The following AKAP6 variants were observed in gnomAD, a reference collection of about 807,000 sequenced individuals.
AKAP6 encodes A-kinase anchoring protein 6.
In AKAP6, 58 loss-of-function variants were observed where a neutral mutation model predicts 188.5. The observed-to-expected ratio is 0.31, with a 90% CI of 0.25 to 0.38. The LOEUF is 0.38. Among genes scored for constraint, AKAP6 ranks in the 10% least tolerant of loss-of-function variants. The pLI, the probability that AKAP6 is intolerant of heterozygous loss-of-function variation, is 1.00. For missense variants in AKAP6, 2,710 were observed against 2,740.0 expected (o/e 0.99, Z 0.24); for synonymous variants, 989 against 998.6 (o/e 0.99, Z 0.18).
chr14:32,750,740 T>TTG (rs1435239458), intron 11 of AKAP6, among the ~76,000 whole-genome samples: 9 of 146,378 alleles, frequency 6.1e-5, no homozygotes, highest in South Asian at 2.2e-4. Flanking sequence ...TAATTTTGTT[T>TTG]TTTTTTTTTT....
intron 7 of AKAP6, among the ~76,000 whole-genome samples, chr14:32,644,102 A>G (rs1427114770): frequency 6.6e-6 from 1 of 152,188 alleles, no homozygotes; most frequent in African/African-American, 2.4e-5. Context: ...CGTTTGCTGG[A>G]GTAGACCATT....
intron 7 of AKAP6, among the ~76,000 whole-genome samples, chr14:32,647,862 TAATC>T (rs1321084069): frequency 6.6e-6 from 1 of 152,072 alleles, no homozygotes. Flanking sequence ...CTCCTGAAGT[TAATC>T]AAACAATTCA....
intron 1 of AKAP6, among the ~76,000 whole-genome samples, chr14:32,340,990 G>A (rs1359225558): frequency 6.6e-6 from 1 of 152,154 alleles, no homozygotes; most frequent in Non-Finnish European, 1.5e-5. Context: ...TAAATTTTGG[G>A]AACGCAAAAC....
At chr14:32,737,232 G>A (rs947912927) in intron 11 of AKAP6, among the ~76,000 whole-genome samples, 9 of 152,062 alleles carry the variant, frequency 5.9e-5, no homozygotes, top group Admixed American at 5.9e-4. Flanking sequence ...GAGTTAGGGG[G>A]ATCTAGCATA....
At chr14:32,811,791 A>C (rs17099559) in intron 12 of AKAP6, among the ~76,000 whole-genome samples, 1,843 of 152,286 alleles carry the variant, frequency 0.012, 36 homozygotes, top group African/African-American at 0.042. Context: ...CTTTTCAGGT[A>C]AACCCACATG....
At chr14:32,804,883 G>A (rs535959379) in intron 12 of AKAP6, among the ~76,000 whole-genome samples, 6 of 152,154 alleles carry the variant, frequency 3.9e-5, no homozygotes, top group East Asian at 1.9e-4. Context: ...CTACTTGCAC[G>A]TCTGTTTATA....
intron 7 of AKAP6, among the ~76,000 whole-genome samples, chr14:32,677,385 A>G (rs939995492): frequency 3.9e-5 from 6 of 152,186 alleles, no homozygotes; most frequent in Non-Finnish European, 8.8e-5. Context: ...AATATATAAT[A>G]AAATTGTAAA....
Position 32,600,761 on chromosome 14 carries a change from TG to T in AKAP6, c.2701del (p.Glu901ArgfsTer75). 6.2e-7 allele frequency: 1 copy of T among 1,612,010 alleles called. No homozygotes were observed. Among genetic ancestry groups the T allele is most frequent in the Non-Finnish European group, 8.5e-7 (1 of 1,179,106 alleles). On this transcript the variant is annotated frameshift_variant, in exon 7 of 14. Transcript: ENST00000280979. LOFTEE classifies it high-confidence loss of function. ...GAGATACTGGCTACTGATGTGTCTG[TG>T]GAGGATGAGGAAGGGACTGGAAGCC... is the stretch of plus-strand genomic sequence containing the variant. ...KAEILATDVS[V>X]EDEEGTGSPK... is the part of the protein sequence containing the mutation.
chr14:32,329,624 T>C (rs1886467991), intron 1 of AKAP6, among the ~76,000 whole-genome samples: 1 of 152,126 alleles, frequency 6.6e-6, no homozygotes, highest in Non-Finnish European at 1.5e-5. Context: ...TTGCTCCAGC[T>C]CTGTCTGTTA....
rs200149929 is a variant in AKAP6 at position 32,456,178 on chromosome 14, GATCCA to G, written c.324+22362_324+22366del. Among the ~76,000 whole-genome samples the G allele has an allele frequency of 5.5e-4, 84 of 152,164 alleles. No individual in the cohort carries two copies. In the East Asian group the frequency reaches 9.5e-3, roughly 17 times the overall value. On this transcript the variant is annotated intron_variant, in intron 2 of 13. Transcript: ENST00000280979. ...ACAGTAATAGTGCTAATACCGATGG[GATCCA>G]TGGAAATTGGCCTAAATGTTTTCAC...
intron 7 of AKAP6, among the ~76,000 whole-genome samples, chr14:32,622,586 T>G (rs1473778264): frequency 6.6e-6 from 1 of 152,138 alleles, no homozygotes; most frequent in Non-Finnish European, 1.5e-5. Flanking sequence ...TCTCCCTCCC[T>G]CAAAGGGTTA....
chr14:32,560,916 T>C (rs1332597944), intron 4 of AKAP6, among the ~76,000 whole-genome samples: 1 of 152,204 alleles, frequency 6.6e-6, no homozygotes, highest in Non-Finnish European at 1.5e-5. Context: ...CTAAGGGGTT[T>C]ATTCACTTAG....
intron 2 of AKAP6, among the ~76,000 whole-genome samples, chr14:32,447,980 G>A (rs1250060474): frequency 2.6e-5 from 4 of 152,200 alleles, no homozygotes; most frequent in Non-Finnish European, 4.4e-5. Flanking sequence ...GAAATGAAAT[G>A]CACTGGACAT....
At chr14:32,451,843 C>T (rs1198559031) in intron 2 of AKAP6, among the ~76,000 whole-genome samples, 1 of 151,946 alleles carries the variant, frequency 6.6e-6, no homozygotes, top group African/African-American at 2.4e-5. Flanking sequence ...TACTGGACAG[C>T]AAAGATTTCC....
intron 12 of AKAP6, among the ~76,000 whole-genome samples, chr14:32,782,609 G>C (rs1566707786): frequency 6.6e-6 from 1 of 152,030 alleles, no homozygotes; most frequent in Admixed American, 6.5e-5. Context: ...AGATATTACT[G>C]ATAAATAGTC....
intron 2 of AKAP6, among the ~76,000 whole-genome samples, chr14:32,457,915 G>A (rs980145397): frequency 1.3e-5 from 2 of 152,120 alleles, no homozygotes; most frequent in Non-Finnish European, 2.9e-5. Context: ...GGTCATTTCA[G>A]TAACTCACAA....
rs771045961 is a variant in AKAP6, at chr14:32,400,475, AC to A, written c.-34-32984del. ...TCACTTTTCATTCCTGAGAGTTTAT[AC>A]ATTTAAAAAATTGTTGGTTATATTT... On this transcript the variant is annotated intron_variant, in intron 1 of 13. Coordinates refer to ENST00000280979, the MANE Select transcript of AKAP6 (RefSeq NM_004274.5). 4.7e-3 allele frequency among the ~76,000 whole-genome samples: 660 copies of A among 139,250 alleles called. 3 individuals carry two copies. Among genetic ancestry groups the A allele is most frequent in the Non-Finnish European group, 7.7e-3 (504 of 65,698 alleles). 91.4% of individuals were successfully genotyped at this position (139,250 alleles called of 152,430 possible).
intron 2 of AKAP6, among the ~76,000 whole-genome samples, chr14:32,464,040 C>T (rs1878242473): frequency 2.0e-5 from 3 of 152,072 alleles, no homozygotes; most frequent in Admixed American, 1.3e-4. Flanking sequence ...CAAGACTAAA[C>T]GAGGAAGAAG....
At chr14:32,521,275 A>G (rs932494330) in intron 2 of AKAP6, among the ~76,000 whole-genome samples, 5 of 152,174 alleles carry the variant, frequency 3.3e-5, no homozygotes, top group Admixed American at 6.5e-5. Context: ...GAAAACGGGC[A>G]CCAGACAGGG....
Sources: gnomAD v4.1 joint callset for allele counts (sites outside exome capture counted in the v4.1 genomes callset) on GRCh38, gnomAD v4.1.1 for gene constraint, MANE v1.5 for transcripts, NCBI Gene and HGNC (gene_info 2026-07-23, HGNC 2026-07-21) for gene names.